The following DNAH6 variants were observed in gnomAD, a reference collection of about 807,000 sequenced individuals.
The protein encoded by DNAH6 is dynein axonemal heavy chain 6.
Under a neutral mutation model 491.4 loss-of-function variants are expected in DNAH6, and 340 were observed. The ratio of observed to expected loss-of-function variants is 0.69; its 90% confidence interval spans 0.63 to 0.76. DNAH6 has a LOEUF of 0.76. DNAH6 is among the 30% of genes least tolerant of loss of function. The pLI is 0.00. For missense variants in DNAH6, 4,443 were observed against 4,972.2 expected (o/e 0.89, Z 3.20); for synonymous variants, 1,603 against 1,686.1 (o/e 0.95, Z 1.21).
At chr2:84,793,849 C>T (rs1263553649) in intron 68 of DNAH6, among the ~76,000 whole-genome samples, 1 of 152,176 alleles carries the variant, frequency 6.6e-6, no homozygotes, top group Non-Finnish European at 1.5e-5. Context: ...CAGATAAAGA[C>T]ATTGCTGTCT....
Position 84,588,960 on chromosome 2 carries a change from G to C in DNAH6, c.2610+6G>C. ...CCTATCAGAAGAATTTTAAGGTAAT[G>C]ACAGTTTTACACCATCTGTCTTAGA... On this transcript the variant is annotated splice_donor_region_variant and intron_variant, in intron 16 of 76. Transcript: ENST00000389394. 6.5e-7 allele frequency: 1 copy of C among 1,542,886 alleles called. No individual in the cohort carries two copies. Among genetic ancestry groups the C allele is most frequent in the Non-Finnish European group, 8.7e-7 (1 of 1,144,290 alleles).
At chr2:84,552,818 C>G in intron 9 of DNAH6, 100 bp from the exon 10 acceptor site, 1 of 559,042 alleles carries the variant, frequency 1.8e-6, no homozygotes. Context: ...ATGAATTCAG[C>G]TAATTATATA....
In DNAH6 at chr2:84,688,305, G is replaced by T. The variant is rs894021925; in HGVS notation, c.7138-134G>T. On this transcript the variant is annotated intron_variant, in intron 44 of 76. Transcript: ENST00000389394. ...AGAAAAATCAAAACCCTATTTCTGA[G>T]CTCCTATGTAAATTTTATTGCAAAG... The T allele has an allele frequency of 4.8e-6, 3 of 624,350 alleles. No homozygotes were observed. In the African/African-American group the frequency reaches 5.9e-5, roughly 12 times the overall value. The allele number at this position is 624,350 out of a possible 1,614,324, so 38.7% of individuals were successfully genotyped here.
chr2:84,709,204 C>G (rs535279935), intron 54 of DNAH6, 139 bp from the exon 55 acceptor site: 139 of 830,182 alleles, frequency 1.7e-4, no homozygotes, highest in Non-Finnish European at 2.3e-4. Flanking sequence ...GTCCCATGCT[C>G]TGATGCAAGC....
chr2:84,627,086 G>A (rs1687951475), intron 29 of DNAH6, among the ~76,000 whole-genome samples: 1 of 152,144 alleles, frequency 6.6e-6, no homozygotes, highest in Admixed American at 6.5e-5. Context: ...CGTGAACCCT[G>A]AACCAACAGC....
chr2:84,689,881 A>C (rs1208416873), intron 45 of DNAH6, among the ~76,000 whole-genome samples: 4 of 152,180 alleles, frequency 2.6e-5, no homozygotes, highest in Non-Finnish European at 5.9e-5. Context: ...CCTACCCAAA[A>C]TGGGCTCACT....
In DNAH6 at chr2:84,624,588, G is replaced by A. The variant is rs377624167; in HGVS notation, c.4321G>A (p.Ala1441Thr). 1.1e-4 allele frequency: 168 copies of A among 1,551,384 alleles called. No individual in the cohort carries two copies. The highest frequency in any genetic ancestry group is 1.7e-4 in the Middle Eastern group (1 of 6,012). The change falls in exon 28 of 77, where the codon GCA becomes ACA. Residue 1441 changes from alanine (A) to threonine (T), a missense_variant. Ala to Thr is a moderately conservative substitution (Grantham distance 58). Coordinates refer to ENST00000389394, the MANE Select transcript of DNAH6 (RefSeq NM_001370.2). ...CACTTATGGCTATGAATATTTGGGT[G>A]CATGCCCAAGATTGGTTATTACTCC... ...QYTYGYEYLG[A>T]CPRLVITPLT...
intron 70 of DNAH6, among the ~76,000 whole-genome samples, chr2:84,804,716 C>A (rs1425810237): frequency 1.3e-5 from 2 of 152,054 alleles, no homozygotes; most frequent in Non-Finnish European, 2.9e-5. Flanking sequence ...AAATGTTTAA[C>A]CATTCTTTAT....
In DNAH6 at chr2:84,801,169, C is replaced by T. The variant is rs1250020661; in HGVS notation, c.11481+3511C>T. Among the ~76,000 whole-genome samples, 3 of 148,202 alleles carry T rather than the reference C, an allele frequency of 2.0e-5. 1 individual carries two copies. The highest frequency in any genetic ancestry group is 3.0e-5 in the Non-Finnish European group (2 of 67,448). ...CTAGATGACGAGTTAGTGGGTGCAGCGCACCAGCATGGCACATGTATACAT... is the reference window on the plus strand; with the variant it reads ...CTAGATGACGAGTTAGTGGGTGCAGTGCACCAGCATGGCACATGTATACAT... On this transcript the variant is annotated intron_variant, in intron 70 of 76. Transcript: ENST00000389394.
At chr2:84,559,164 T>C (rs1295113085) in intron 11 of DNAH6, among the ~76,000 whole-genome samples, 2 of 152,146 alleles carry the variant, frequency 1.3e-5, no homozygotes, top group Non-Finnish European at 2.9e-5. Context: ...CTGAGGTTAA[T>C]CTAAAGTCAC....
intron 4 of DNAH6, among the ~76,000 whole-genome samples, chr2:84,542,796 T>C (rs1433179148): frequency 2.6e-5 from 4 of 152,234 alleles, no homozygotes; most frequent in East Asian, 1.9e-4. Flanking sequence ...TAAAAACTTA[T>C]CGTACATATA....
At chr2:84,708,547 A>G (rs1696724215) in intron 54 of DNAH6, among the ~76,000 whole-genome samples, 1 of 147,122 alleles carries the variant, frequency 6.8e-6, no homozygotes, top group Non-Finnish European at 1.5e-5. Context: ...GAAGGAAGGA[A>G]GGAGGAAGGA....
intron 45 of DNAH6, among the ~76,000 whole-genome samples, chr2:84,690,019 C>A (rs1694689701): frequency 6.6e-6 from 1 of 152,190 alleles, no homozygotes; most frequent in African/African-American, 2.4e-5. Flanking sequence ...TCTTCACATA[C>A]TGAGCACTTT....
At chr2:84,619,369 G>A (rs1398579539) in intron 23 of DNAH6, among the ~76,000 whole-genome samples, 2 of 152,158 alleles carry the variant, frequency 1.3e-5, no homozygotes. Context: ...CACTCTGGAG[G>A]CTTAAAGCCA....
chr2:84,658,568 A>G (rs1167984209), intron 36 of DNAH6, 94 bp downstream of exon 36: 50 of 932,542 alleles, frequency 5.4e-5, no homozygotes, highest in Non-Finnish European at 1.5e-6. Context: ...AAATATAACC[A>G]TTTGATTTTT....
intron 68 of DNAH6, among the ~76,000 whole-genome samples, chr2:84,794,818 C>T (rs1678163253): frequency 7.1e-6 from 1 of 141,206 alleles, no homozygotes; most frequent in South Asian, 2.5e-4. Context: ...CCCAGCCATC[C>T]CATTACTGGG....
chr2:84,649,905 C>T (rs970780000), intron 33 of DNAH6, among the ~76,000 whole-genome samples: 2 of 152,138 alleles, frequency 1.3e-5, no homozygotes, highest in Admixed American at 6.6e-5. Flanking sequence ...CCTGCACATC[C>T]TGCACATGTA....
intron 45 of DNAH6, among the ~76,000 whole-genome samples, chr2:84,693,390 G>T (rs1275501620): frequency 9.9e-6 from 1 of 101,048 alleles, no homozygotes; most frequent in African/African-American, 4.4e-5. Context: ...TCCTAAATTT[G>T]GGGGGGTTTC....
intron 14 of DNAH6, 152 bp downstream of exon 14, chr2:84,579,831 A>C: frequency 1.6e-6 from 1 of 632,954 alleles, no homozygotes. Context: ...CATCACAGGA[A>C]TAAAGCCAGC....
Sources: gnomAD v4.1 joint callset for allele counts (sites outside exome capture counted in the v4.1 genomes callset) on GRCh38, gnomAD v4.1.1 for gene constraint, MANE v1.5 for transcripts, NCBI Gene and HGNC (gene_info 2026-07-23, HGNC 2026-07-21) for gene names.